The following ZNF469 variants were observed in gnomAD, a reference collection of about 807,000 sequenced individuals.
The protein encoded by ZNF469 is zinc finger protein 469.
In ZNF469, 1 loss-of-function variant was observed where a neutral mutation model predicts 1.0. The observed-to-expected ratio is 1.00, with a 90% CI of 0.35 to 4.73. The LOEUF is 4.73. ZNF469 is among the 30% of genes most tolerant of loss of function. ZNF469 has a pLI of 0.16. For missense variants in ZNF469, 6,100 were observed against 5,356.3 expected (o/e 1.14, Z -4.33); for synonymous variants, 2,703 against 2,363.4 (o/e 1.14, Z -4.17).
chr16:88,422,302 G>A (rs200146619), intron 1 of ZNF469, among the ~76,000 whole-genome samples: 27 of 13,318 alleles, frequency 2.0e-3, no homozygotes, highest in East Asian at 5.2e-3. Context: ...GGATGGATGA[G>A]TGGGTGGATA....
At chr16:88,175,131 A>G in the ZNF469 span, among the ~76,000 whole-genome samples, 1 of 152,240 alleles carries the variant, frequency 6.6e-6, no homozygotes, top group Non-Finnish European at 1.5e-5. Context: ...AGGCCCTGCC[A>G]GGATAATCTC....
the ZNF469 span, among the ~76,000 whole-genome samples, chr16:88,298,590 C>T: frequency 6.6e-6 from 1 of 152,164 alleles, no homozygotes; most frequent in African/African-American, 2.4e-5. Flanking sequence ...GCTGACGATT[C>T]TTACTCTTAA....
the ZNF469 span, among the ~76,000 whole-genome samples, chr16:88,349,828 G>T: frequency 0.035 from 74 of 2,102 alleles, no homozygotes; most frequent in Middle Eastern, 0.1. Flanking sequence ...GCACACACAC[G>T]AGGCACCATA....
At chr16:88,397,584 T>C (rs967981731) in intron 1 of ZNF469, among the ~76,000 whole-genome samples, 40 of 152,040 alleles carry the variant, frequency 2.6e-4, no homozygotes, top group African/African-American at 9.0e-4. Context: ...TATATGTATG[T>C]AGTATGTGTA....
At chr16:88,400,639 C>G (rs74032821) in intron 1 of ZNF469, among the ~76,000 whole-genome samples, 13,761 of 152,134 alleles carry the variant, frequency 0.09, 887 homozygotes, top group African/African-American at 0.18. Context: ...GGACCCAGAG[C>G]CAGCTCTGTC....
At chr16:88,336,819 GTCA>G in the ZNF469 span, among the ~76,000 whole-genome samples, 1 of 152,136 alleles carries the variant, frequency 6.6e-6, no homozygotes, top group Non-Finnish European at 1.5e-5. Flanking sequence ...TCCAGAACAG[GTCA>G]TCATCCCCAA....
chr16:88,254,515 G>C, the ZNF469 span, among the ~76,000 whole-genome samples: 1 of 152,092 alleles, frequency 6.6e-6, no homozygotes, highest in Non-Finnish European at 1.5e-5. Flanking sequence ...CCCAGCACTT[G>C]GGGAGGCCGA....
At chr16:88,408,312 C>T (rs1390414989) in intron 1 of ZNF469, among the ~76,000 whole-genome samples, 1 of 152,212 alleles carries the variant, frequency 6.6e-6, no homozygotes, top group Non-Finnish European at 1.5e-5. Flanking sequence ...CCACCACGCC[C>T]GGCTAATTTT....
the ZNF469 span, among the ~76,000 whole-genome samples, chr16:88,373,123 C>T: frequency 5.9e-5 from 9 of 152,194 alleles, no homozygotes; most frequent in Non-Finnish European, 1.2e-4. Context: ...ATTATCATGA[C>T]AATGTTTGAG....
chr16:88,210,359 G>A, the ZNF469 span, among the ~76,000 whole-genome samples: 28,942 of 151,278 alleles, frequency 0.19, 2,915 homozygotes, highest in East Asian at 0.31. Flanking sequence ...ATTTCTTTGC[G>A]GTATTTTTTA....
At chr16:88,166,712 C>G in the ZNF469 span, among the ~76,000 whole-genome samples, 1 of 151,608 alleles carries the variant, frequency 6.6e-6, no homozygotes, top group South Asian at 2.1e-4. The surrounding 1 kb of genome is among the most constrained non-coding windows in gnomAD (Gnocchi z 4.5). Context: ...GGCTGGGTTT[C>G]AGAACCGATA....
the ZNF469 span, among the ~76,000 whole-genome samples, chr16:88,130,006 G>A: frequency 6.6e-6 from 1 of 152,226 alleles, no homozygotes. Context: ...TCCTGGTCCT[G>A]TGGTGGCAGA....
the ZNF469 span, among the ~76,000 whole-genome samples, chr16:88,223,261 A>G: frequency 1.3e-5 from 2 of 152,222 alleles, no homozygotes; most frequent in African/African-American, 4.8e-5. Context: ...GCAGTGAATA[A>G]GTCTCATGCG....
chr16:88,192,943 G>C, the ZNF469 span, among the ~76,000 whole-genome samples: 1 of 143,294 alleles, frequency 7.0e-6, no homozygotes, highest in South Asian at 2.1e-4. Context: ...AGTGATGATG[G>C]TGATGATGAT....
chr16:88,216,790 C>G, the ZNF469 span, among the ~76,000 whole-genome samples: 10 of 152,122 alleles, frequency 6.6e-5, no homozygotes, highest in Non-Finnish European at 1.5e-4. Flanking sequence ...TTAACTATGT[C>G]CCATTTGTCT....
At chr16:88,227,630 G>A in the ZNF469 span, among the ~76,000 whole-genome samples, 86 of 117,338 alleles carry the variant, frequency 7.3e-4, no homozygotes, top group African/African-American at 1.6e-3. Context: ...CTGTGTCCCC[G>A]TCTCCCCTTC....
Position 88,434,133 on chromosome 16 carries a change from C to G in ZNF469, c.6663C>G (p.Pro2221=), listed in dbSNP as rs1273045275. The G allele has an allele frequency of 7.1e-6, 11 of 1,550,190 alleles. No homozygotes were observed. The highest frequency in any genetic ancestry group is 9.6e-6 in the Non-Finnish European group (11 of 1,146,938). Residue 2221 remains proline, a synonymous_variant, in exon 3 of 3, where the codon CCC becomes CCG. Transcript: ENST00000565624. ...AGCLLQGEGS[P]LEDPSSWPPG... Reference sequence around the variant, plus strand: ...GCCTTCTCCAGGGGGAGGGCAGCCCCCTGGAAGACCCTTCCTCCTGGCCTC... The same window carrying G: ...GCCTTCTCCAGGGGGAGGGCAGCCCGCTGGAAGACCCTTCCTCCTGGCCTC...
chr16:88,131,112 C>CT, the ZNF469 span, among the ~76,000 whole-genome samples: 8 of 152,206 alleles, frequency 5.3e-5, no homozygotes, highest in Admixed American at 5.2e-4. Flanking sequence ...TTCAGATCGT[C>CT]TCCTGGAAAT....
the ZNF469 span, among the ~76,000 whole-genome samples, chr16:88,116,808 C>T: frequency 6.6e-6 from 1 of 152,142 alleles, no homozygotes; most frequent in Non-Finnish European, 1.5e-5. Context: ...TTTGCCAGGG[C>T]TGGGGACTGT....
Sources: gnomAD v4.1 joint callset for allele counts (sites outside exome capture counted in the v4.1 genomes callset) on GRCh38, gnomAD v4.1.1 for gene constraint, Gnocchi (gnomAD v3.1) non-coding constraint, MANE v1.5 for transcripts, NCBI Gene and HGNC (gene_info 2026-07-23, HGNC 2026-07-21) for gene names.